CDH13: variants seen among roughly 807,000 people sequenced by gnomAD.
The protein encoded by CDH13 is cadherin 13, also known as cadherin-13.
A neutral mutation model predicts 63.8 loss-of-function variants in CDH13; 24 were observed. The ratio of observed to expected loss-of-function variants is 0.38; its 90% confidence interval spans 0.27 to 0.53. CDH13 has a LOEUF of 0.53. CDH13 is among the 20% of genes least tolerant of loss of function. The pLI, the probability that CDH13 is intolerant of heterozygous loss-of-function variation, is 0.85. For synonymous variants in CDH13, 503 were observed against 355.3 expected (o/e 1.42, Z -4.67); for missense variants, 1,049 against 903.1 (o/e 1.16, Z -2.07).
At chr16:83,542,908 A>G (rs1488739138) in intron 7 of CDH13, among the ~76,000 whole-genome samples, 1 of 152,210 alleles carries the variant, frequency 6.6e-6, no homozygotes, top group Non-Finnish European at 1.5e-5. Context: ...AAATAAAGTC[A>G]CATTCTGAGA....
At chr16:82,739,313 T>G (rs1027040564) in intron 1 of CDH13, among the ~76,000 whole-genome samples, 1 of 152,242 alleles carries the variant, frequency 6.6e-6, no homozygotes, top group South Asian at 2.1e-4. Flanking sequence ...GAAATCATCT[T>G]CTGCCAAGAT....
intron 11 of CDH13, among the ~76,000 whole-genome samples, chr16:83,765,558 A>G (rs71404113): frequency 9.2e-6 from 1 of 109,026 alleles, no homozygotes; most frequent in Non-Finnish European, 2.2e-5. Context: ...ATATATACAC[A>G]CACACAAAGA....
chr16:83,067,170 A>T (rs2032082359), intron 3 of CDH13, among the ~76,000 whole-genome samples: 1 of 152,196 alleles, frequency 6.6e-6, no homozygotes, highest in Non-Finnish European at 1.5e-5. Flanking sequence ...CTTATTCCAA[A>T]GAGCAGCCTT....
chr16:83,565,522 C>G (rs1393443066), intron 7 of CDH13, among the ~76,000 whole-genome samples: 1 of 151,112 alleles, frequency 6.6e-6, no homozygotes, highest in African/African-American at 2.4e-5. Context: ...ATCTCCTGTT[C>G]TCTGCTTGGA....
At chr16:83,134,374 G>C (rs541302151) in intron 4 of CDH13, among the ~76,000 whole-genome samples, 2 of 152,136 alleles carry the variant, frequency 1.3e-5, no homozygotes, top group South Asian at 2.1e-4. Context: ...ATTTTTAGGA[G>C]AGATGAGCTT....
intron 2 of CDH13, among the ~76,000 whole-genome samples, chr16:82,912,178 C>G (rs1424977796): frequency 2.0e-5 from 3 of 152,110 alleles, no homozygotes; most frequent in African/African-American, 7.2e-5. Flanking sequence ...CCTCCCTCTT[C>G]TTGTCTGTGT....
chr16:82,953,203 A>T (rs1312807368), intron 2 of CDH13: 1 of 152,176 alleles, frequency 6.6e-6, no homozygotes, highest in Non-Finnish European at 1.5e-5. Flanking sequence ...TTTCATTGTG[A>T]AAAGGTCAAG....
chr16:82,686,959 C>G (rs1001933031), intron 1 of CDH13, among the ~76,000 whole-genome samples: 1 of 152,170 alleles, frequency 6.6e-6, no homozygotes, highest in Admixed American at 6.5e-5. Flanking sequence ...AATGAGAGCT[C>G]AACATTTGTA....
At chr16:83,130,198 T>G (rs1462164173) in intron 4 of CDH13, among the ~76,000 whole-genome samples, 8 of 152,232 alleles carry the variant, frequency 5.3e-5, no homozygotes, top group Non-Finnish European at 5.9e-5. Flanking sequence ...CTAAGCACTT[T>G]TCATCTATTA....
chr16:82,885,110 A>G (rs1232567484), intron 2 of CDH13, among the ~76,000 whole-genome samples: 1 of 152,200 alleles, frequency 6.6e-6, no homozygotes, highest in Admixed American at 6.5e-5. Flanking sequence ...TGTTCTACCT[A>G]GAACCCAACT....
chr16:83,555,700 G>C (rs971711932), intron 7 of CDH13, among the ~76,000 whole-genome samples: 1 of 152,224 alleles, frequency 6.6e-6, no homozygotes, highest in South Asian at 2.1e-4. Flanking sequence ...TTGGGGGATA[G>C]TTTCTAAAGT....
chr16:83,799,270 C>G lies in CDH13; in HGVS notation c.*4240C>G, dbSNP rs1904300887. 6.8e-6 allele frequency: 1 copy of G among 147,342 alleles called. No homozygotes were observed. Among genetic ancestry groups the G allele is most frequent in the Admixed American group, 6.9e-5 (1 of 14,550 alleles). 9.1% of individuals were successfully genotyped at this position (147,342 alleles called of 1,614,324 possible). On this transcript the variant is annotated 3_prime_UTR_variant, in exon 14 of 14. Coordinates refer to ENST00000567109, the MANE Select transcript of CDH13 (RefSeq NM_001257.5). ...AGAGTTTGCAGTGAGCCATTGCACT[C>G]CAGCCTGGGCAACAGAGCAAGACTC...
intron 7 of CDH13, among the ~76,000 whole-genome samples, chr16:83,602,107 CAAAAAAAAAAAAAA>C (rs869202510): frequency 1.4e-3 from 11 of 7,956 alleles, no homozygotes; most frequent in Non-Finnish European, 2.1e-3. Flanking sequence ...AGAACAACAA[CAAAAAAAAAAAAAA>C]AAAAAAAAAA....
chr16:82,682,610 T>A (rs999154521), intron 1 of CDH13, among the ~76,000 whole-genome samples: 3 of 152,228 alleles, frequency 2.0e-5, no homozygotes, highest in Non-Finnish European at 4.4e-5. Context: ...CACTATGTAA[T>A]TACATAAAAC....
chr16:82,935,691 C>A (rs1168036372), intron 2 of CDH13, among the ~76,000 whole-genome samples: 2 of 152,098 alleles, frequency 1.3e-5, no homozygotes, highest in African/African-American at 4.8e-5. Context: ...AGCAATAACC[C>A]CCTGAGCTCC....
chr16:83,455,633 C>G (rs774522485), intron 6 of CDH13, among the ~76,000 whole-genome samples: 1 of 152,186 alleles, frequency 6.6e-6, no homozygotes, highest in Non-Finnish European at 1.5e-5. Context: ...TGGTATCCGT[C>G]AATCCCTAGA....
chr16:83,073,289 C>A (rs1199432400), intron 3 of CDH13, among the ~76,000 whole-genome samples: 1 of 150,502 alleles, frequency 6.6e-6, no homozygotes, highest in Admixed American at 6.6e-5. Context: ...GACTCAGCAT[C>A]AAGGAATGGG....
chr16:83,464,251 G>A (rs1003234014), intron 6 of CDH13, among the ~76,000 whole-genome samples: 4 of 152,048 alleles, frequency 2.6e-5, no homozygotes, highest in Non-Finnish European at 4.4e-5. Context: ...GGTGGCTCAC[G>A]CCTGTAATCC....
chr16:82,919,461 T>C (rs1025728587), intron 2 of CDH13, among the ~76,000 whole-genome samples: 7 of 152,182 alleles, frequency 4.6e-5, no homozygotes, highest in Non-Finnish European at 7.4e-5. Flanking sequence ...ACTTGTGGTA[T>C]TTGGTTTTCT....
Sources: allele counts gnomAD v4.1 joint callset (sites outside exome capture counted in the v4.1 genomes callset), GRCh38; gene constraint gnomAD v4.1.1; transcripts MANE v1.5; gene names NCBI Gene and HGNC (gene_info 2026-07-23, HGNC 2026-07-21).